FHIT: variants seen among roughly 807,000 people sequenced by gnomAD.
FHIT encodes bis(5'-adenosyl)-triphosphatase.
FHIT carries 19 observed loss-of-function variants against 17.9 expected under a neutral mutation model. The observed-to-expected ratio is 1.06, with a 90% CI of 0.74 to 1.56. The LOEUF is 1.56. Ranked by LOEUF, FHIT falls within the 40% of genes most tolerant of loss-of-function variation. FHIT has a pLI of 0.00. For missense variants in FHIT, 248 were observed against 189.2 expected (o/e 1.31, Z -1.82); for synonymous variants, 81 against 69.7 (o/e 1.16, Z -0.81).
intron 5 of FHIT, among the ~76,000 whole-genome samples, chr3:60,381,213 C>T (rs1171520381): frequency 6.6e-6 from 1 of 152,092 alleles, no homozygotes; most frequent in African/African-American, 2.4e-5. Context: ...CACGGTGGCT[C>T]ACACCTGTAA....
rs563874309 is a variant in FHIT, at chr3:60,206,601, G to A, written c.104-192449C>T. On this transcript the variant is annotated intron_variant, in intron 5 of 9. Coordinates refer to ENST00000492590, the MANE Select transcript of FHIT (RefSeq NM_002012.4). The stretch of plus-strand genomic sequence containing the variant: ...AAAGAGGCAAGGGCTGCACCAAAAC[G>A]AATTTATCAATCACGGAATGCAGGA... 2.0e-5 allele frequency among the ~76,000 whole-genome samples: 3 copies of A among 152,236 alleles called. No homozygotes were observed. The South Asian group carries it at 6.2e-4, about 32-fold the overall frequency.
At position 59,943,808 on chromosome 3, in the gene FHIT, T is replaced by G. The variant is rs115626606; in HGVS notation, c.280-21394A>C. On this transcript the variant is annotated intron_variant, in intron 7 of 9. Transcript: ENST00000492590. Reference sequence around the variant, plus strand: ...GCCAAAGGCAGCTTAAGGGACAGGATAGTGGAGAAAAATGCAGCCCTGGAA... The same window carrying G: ...GCCAAAGGCAGCTTAAGGGACAGGAGAGTGGAGAAAAATGCAGCCCTGGAA... 1.0e-3 allele frequency among the ~76,000 whole-genome samples: 155 copies of G among 152,312 alleles called. 1 individual carries two copies. Among genetic ancestry groups the G allele is most frequent in the African/African-American group, 3.5e-3 (147 of 41,586 alleles).
intron 5 of FHIT, among the ~76,000 whole-genome samples, chr3:60,179,204 T>A (rs1421886433): frequency 3.3e-5 from 5 of 152,164 alleles, no homozygotes; most frequent in Admixed American, 2.6e-4. Flanking sequence ...AATTCTCTAG[T>A]AGGTATCATT....
intron 5 of FHIT, among the ~76,000 whole-genome samples, chr3:60,064,145 C>T (rs77563404): frequency 0.032 from 4,845 of 152,206 alleles, 245 homozygotes; most frequent in African/African-American, 0.11. Context: ...TTTCATTTTC[C>T]TCTTATACCT....
chr3:61,098,170 T>C (rs574834612), intron 2 of FHIT, among the ~76,000 whole-genome samples: 3 of 152,332 alleles, frequency 2.0e-5, no homozygotes, highest in South Asian at 4.1e-4. Flanking sequence ...TGCATATGGC[T>C]AGCAGCTTAA....
chr3:59,979,406 A>T (rs1485830017), intron 7 of FHIT, among the ~76,000 whole-genome samples: 1 of 152,188 alleles, frequency 6.6e-6, no homozygotes, highest in Non-Finnish European at 1.5e-5. Context: ...AGATTCAGGG[A>T]AAACAAGATA....
At chr3:61,101,731 GAGC>G (rs1426772259) in intron 2 of FHIT, among the ~76,000 whole-genome samples, 2 of 152,184 alleles carry the variant, frequency 1.3e-5, no homozygotes, top group African/African-American at 4.8e-5. Flanking sequence ...TTATTTTGTT[GAGC>G]AGTGGTTGGT....
chr3:60,511,630 T>C (rs771789548), intron 5 of FHIT, among the ~76,000 whole-genome samples: 2 of 152,166 alleles, frequency 1.3e-5, no homozygotes, highest in Non-Finnish European at 2.9e-5. Context: ...TTAAAATATA[T>C]GTATACATAT....
At chr3:60,614,340 G>A (rs1272047763) in intron 4 of FHIT, among the ~76,000 whole-genome samples, 1 of 152,166 alleles carries the variant, frequency 6.6e-6, no homozygotes, top group Non-Finnish European at 1.5e-5. Flanking sequence ...GCCCAGTGTG[G>A]TGGCTCACAC....
intron 5 of FHIT, among the ~76,000 whole-genome samples, chr3:60,081,666 T>C (rs868215833): frequency 1.3e-5 from 2 of 152,292 alleles, no homozygotes; most frequent in East Asian, 1.9e-4. Flanking sequence ...CTTATTTAAT[T>C]ATGCTGCGGT....
intron 2 of FHIT, among the ~76,000 whole-genome samples, chr3:61,112,080 T>G (rs1424946452): frequency 3.3e-5 from 5 of 152,130 alleles, no homozygotes; most frequent in African/African-American, 1.2e-4. Flanking sequence ...TGCTTCAAGT[T>G]AACAGCTAGG....
intron 4 of FHIT, among the ~76,000 whole-genome samples, chr3:60,574,740 C>T (rs549109997): frequency 2.0e-5 from 3 of 152,032 alleles, no homozygotes; most frequent in Non-Finnish European, 2.9e-5. Flanking sequence ...CTCCATCAGT[C>T]GACTCATATT....
At chr3:61,158,434 T>C (rs2037591999) in intron 2 of FHIT, among the ~76,000 whole-genome samples, 1 of 152,082 alleles carries the variant, frequency 6.6e-6, no homozygotes, top group Non-Finnish European at 1.5e-5. Flanking sequence ...TAACTCTCTC[T>C]AGGAAGCTGT....
chr3:60,022,360 A>T (rs1364459173), intron 5 of FHIT, among the ~76,000 whole-genome samples: 1 of 152,228 alleles, frequency 6.6e-6, no homozygotes, highest in Non-Finnish European at 1.5e-5. Context: ...GTCTGGGCAT[A>T]TGGTAGGCCT....
chr3:60,229,122 A>G (rs1281868269), intron 5 of FHIT, among the ~76,000 whole-genome samples: 2 of 152,158 alleles, frequency 1.3e-5, no homozygotes, highest in South Asian at 2.1e-4. Context: ...TGCCCTCAAG[A>G]AAGTCATTAC....
chr3:60,402,086 C>T (rs1053974511), intron 5 of FHIT, among the ~76,000 whole-genome samples: 13 of 152,146 alleles, frequency 8.5e-5, no homozygotes, highest in Admixed American at 8.5e-4. Context: ...TCCCCCATCC[C>T]TGCCAGCTCC....
chr3:59,812,451 G>A (rs1193985857), intron 8 of FHIT, among the ~76,000 whole-genome samples: 3 of 152,160 alleles, frequency 2.0e-5, no homozygotes, highest in African/African-American at 7.2e-5. Flanking sequence ...CAAGCGCTGG[G>A]CATTTTTATG....
At chr3:60,457,917 A>C (rs1303510008) in intron 5 of FHIT, among the ~76,000 whole-genome samples, 1 of 152,144 alleles carries the variant, frequency 6.6e-6, no homozygotes, top group Non-Finnish European at 1.5e-5. Context: ...GGTGATCATT[A>C]AAAAGTCAGG....
chr3:61,045,154 G>A (rs1394015067), intron 2 of FHIT, among the ~76,000 whole-genome samples: 2 of 152,074 alleles, frequency 1.3e-5, no homozygotes, highest in Non-Finnish European at 2.9e-5. Flanking sequence ...AATGTAAATG[G>A]GCTAAATGCT....
Sources: gnomAD v4.1 joint callset for allele counts (sites outside exome capture counted in the v4.1 genomes callset) on GRCh38, gnomAD v4.1.1 for gene constraint, MANE v1.5 for transcripts, NCBI Gene and HGNC (gene_info 2026-07-23, HGNC 2026-07-21) for gene names.